ANKS1B: variants seen among roughly 807,000 people sequenced by gnomAD.
The protein encoded by ANKS1B is ankyrin repeat and sterile alpha motif domain-containing protein 1B.
In ANKS1B, 36 loss-of-function variants were observed where a neutral mutation model predicts 148.3. The ratio of observed to expected loss-of-function variants is 0.24; its 90% CI spans 0.19 to 0.32. The LOEUF (loss-of-function observed/expected upper bound fraction) is 0.32, where lower values mean the gene tolerates loss of function less well. Ranked by LOEUF, ANKS1B falls within the 10% of genes least tolerant of loss-of-function variation. The pLI, the probability that ANKS1B is intolerant of heterozygous loss-of-function variation, is 1.00. For synonymous variants in ANKS1B, 542 were observed against 560.8 expected, an observed-to-expected ratio of 0.97 and a Z score of 0.47; for missense variants, 1,157 against 1,542.6, an observed-to-expected ratio of 0.75 and a Z score of 4.19.
At chr12:99,804,931 G>A (rs2067398883) in intron 4 of ANKS1B, among the ~76,000 whole-genome samples, 1 of 152,088 alleles carries the variant, frequency 6.6e-6, no homozygotes, top group South Asian at 2.1e-4. Context: ...CAGAGAAGTG[G>A]CAGTCTCACC....
intron 3 of ANKS1B, among the ~76,000 whole-genome samples, chr12:99,808,796 T>C (rs1365237051): frequency 6.6e-6 from 1 of 152,146 alleles, no homozygotes; most frequent in Non-Finnish European, 1.5e-5. Context: ...AGGCCAGTTA[T>C]GAAATAATGA....
At chr12:99,691,981 G>C (rs145120623) in intron 8 of ANKS1B, among the ~76,000 whole-genome samples, 1 of 152,296 alleles carries the variant, frequency 6.6e-6, no homozygotes, top group African/African-American at 2.4e-5. Flanking sequence ...CTGGGGTATG[G>C]TGGGCATTTT....
At position 99,008,022 on chromosome 12, in the gene ANKS1B, G is replaced by A. The variant is rs149582813; in HGVS notation, c.2778+45135C>T. Among the ~76,000 whole-genome samples, 208 of 151,172 alleles carry A rather than the reference G, an allele frequency of 1.4e-3. 3 individuals are homozygous for A. Among genetic ancestry groups the A allele is most frequent in the African/African-American group, 5.0e-3 (204 of 41,144 alleles). On this transcript the variant is annotated intron_variant, in intron 17 of 26. Coordinates refer to ENST00000683438, the MANE Select transcript of ANKS1B (RefSeq NM_001352186.2). ...TACACTGCTTGCATTTTTCTTTCCT[G>A]GTGGGCTGCTTTACTGGCATGTGGA...
chr12:99,371,131 CTTTT>C (rs1395351985), intron 12 of ANKS1B, among the ~76,000 whole-genome samples: 2 of 152,002 alleles, frequency 1.3e-5, no homozygotes, highest in African/African-American at 4.8e-5. Flanking sequence ...ACTACCCCTG[CTTTT>C]TTTGTGTGTG....
chr12:99,606,985 G>T (rs560896639), intron 9 of ANKS1B, among the ~76,000 whole-genome samples: 1 of 152,076 alleles, frequency 6.6e-6, no homozygotes, highest in African/African-American at 2.4e-5. Context: ...GGCTACAAAA[G>T]GCAAGGTCCA....
At chr12:99,070,481 G>T (rs530325674) in intron 16 of ANKS1B, among the ~76,000 whole-genome samples, 14 of 152,300 alleles carry the variant, frequency 9.2e-5, no homozygotes, top group African/African-American at 3.4e-4. Context: ...AGTGATGAAT[G>T]AAATTTATAG....
At chr12:98,883,819 T>C (rs1384385995) in intron 17 of ANKS1B, among the ~76,000 whole-genome samples, 1 of 152,200 alleles carries the variant, frequency 6.6e-6, no homozygotes, top group Non-Finnish European at 1.5e-5. Context: ...ACCAGAAGGA[T>C]TATATGTGTT....
At chr12:99,233,415 C>A (rs193277099) in intron 14 of ANKS1B, among the ~76,000 whole-genome samples, 200 of 152,144 alleles carry the variant, frequency 1.3e-3, no homozygotes, top group African/African-American at 4.7e-3. Context: ...AACCTGTTAT[C>A]TGAAAGGATT....
At position 99,107,961 on chromosome 12, in the gene ANKS1B, G is replaced by A. The variant is rs74757257; in HGVS notation, c.2527-22938C>T. Among the ~76,000 whole-genome samples the A allele has an allele frequency of 2.3e-4, 35 of 152,204 alleles. No homozygotes were observed. In the East Asian group the frequency reaches 6.6e-3, roughly 29 times the overall value. Reference sequence around the variant, plus strand: ...ACTTATCTCAATCTTTAAAATCCAGGATATCTATATCTTTGTGTATTTCTC... The same window carrying A: ...ACTTATCTCAATCTTTAAAATCCAGAATATCTATATCTTTGTGTATTTCTC... On this transcript the variant is annotated intron_variant, in intron 15 of 26. Coordinates refer to ENST00000683438, the MANE Select transcript of ANKS1B (RefSeq NM_001352186.2).
chr12:98,875,919 G>C (rs1004480897), intron 17 of ANKS1B, among the ~76,000 whole-genome samples: 3 of 151,870 alleles, frequency 2.0e-5, no homozygotes, highest in Non-Finnish European at 4.4e-5. Flanking sequence ...GTGTGCACCT[G>C]TTGGCCGGTG....
intron 1 of ANKS1B, among the ~76,000 whole-genome samples, chr12:99,888,450 G>C (rs556249699): frequency 2.0e-5 from 3 of 152,080 alleles, no homozygotes; most frequent in Non-Finnish European, 4.4e-5. Flanking sequence ...CCTCAAAGTG[G>C]GCCATTCCTT....
intron 9 of ANKS1B, among the ~76,000 whole-genome samples, chr12:99,584,605 A>AAT (rs61338809): frequency 0.019 from 2,846 of 151,442 alleles, 81 homozygotes; most frequent in African/African-American, 0.065. Context: ...TTGAGAGAGA[A>AAT]ATATATATAT....
chr12:99,607,381 T>G (rs1487327800), intron 9 of ANKS1B, among the ~76,000 whole-genome samples: 1 of 152,038 alleles, frequency 6.6e-6, no homozygotes, highest in Non-Finnish European at 1.5e-5. Flanking sequence ...TTTTCCTTTT[T>G]TTTTTTCCCC....
rs2097113795 is a variant in ANKS1B at position 99,540,411 on chromosome 12, G to A, written c.1273-35770C>T. ...TCCTGCAGAATAGACCATGCAATAT[G>A]AGACTTGCCATAAACAAGTCTCAAT... On this transcript the variant is annotated intron_variant, in intron 9 of 26. Transcript: ENST00000683438. 1.3e-5 allele frequency among the ~76,000 whole-genome samples: 2 copies of A among 152,070 alleles called. 1 individual carries two copies. The highest frequency in any genetic ancestry group is 3.9e-4 in the East Asian group (2 of 5,190).
chr12:99,515,130 T>G (rs1185075253), intron 9 of ANKS1B, among the ~76,000 whole-genome samples: 1 of 152,008 alleles, frequency 6.6e-6, no homozygotes, highest in African/African-American at 2.4e-5. Flanking sequence ...TCATGGAAAA[T>G]GGGGTATCCA....
chr12:99,194,830 C>A (rs530999028), intron 14 of ANKS1B, among the ~76,000 whole-genome samples: 9 of 151,814 alleles, frequency 5.9e-5, no homozygotes, highest in Non-Finnish European at 1.3e-4. Flanking sequence ...TCAAAATAAT[C>A]CTGTGTGTAT....
Position 98,751,811 on chromosome 12 carries a change from T to G in ANKS1B, c.3580-289A>C, listed in dbSNP as rs1227800233. Among the ~76,000 whole-genome samples, 2 of 152,192 alleles carry G rather than the reference T, an allele frequency of 1.3e-5. No individual in the cohort carries two copies. The highest frequency in any genetic ancestry group is 1.9e-4 in the East Asian group (1 of 5,192). The stretch of plus-strand genomic sequence containing the variant: ...TTGGGCAAACCTGCCTTGCATTCTA[T>G]TCCTAAATAAGATAGCTACAAAGAT... On this transcript the variant is annotated intron_variant, in intron 25 of 26. Coordinates refer to ENST00000683438, the MANE Select transcript of ANKS1B (RefSeq NM_001352186.2). This position sits in a 1 kb window ranked among gnomAD's most constrained non-coding sequence, Gnocchi z 4.3.
intron 8 of ANKS1B, among the ~76,000 whole-genome samples, chr12:99,742,900 T>G (rs1304520433): frequency 6.6e-6 from 1 of 152,056 alleles, no homozygotes; most frequent in African/African-American, 2.4e-5. Context: ...TTGCTTTTAT[T>G]TCAATTACTA....
At chr12:99,057,846 A>G (rs919432090) in intron 16 of ANKS1B, among the ~76,000 whole-genome samples, 2 of 152,228 alleles carry the variant, frequency 1.3e-5, no homozygotes, top group African/African-American at 4.8e-5. Context: ...TCCTGGTTCT[A>G]GGAGAAAGAT....
Sources: allele counts gnomAD v4.1 joint callset (sites outside exome capture counted in the v4.1 genomes callset), GRCh38; gene constraint gnomAD v4.1.1; non-coding constraint Gnocchi (gnomAD v3.1); transcripts MANE v1.5; gene names NCBI Gene and HGNC (gene_info 2026-07-23, HGNC 2026-07-21).